Variants in CPAP observed in about 807,000 individuals in gnomAD.
The protein encoded by CPAP is centrosomal P4.1-associated protein.
chr13:24,892,666 C>T, the CPAP span: 2 of 1,614,118 alleles, frequency 1.2e-6, no homozygotes, highest in Non-Finnish European at 1.7e-6. Flanking sequence ...TTCTTCTCCA[C>T]CTCGAGGCTG....
the CPAP span, among the ~76,000 whole-genome samples, chr13:24,909,278 G>T: frequency 6.6e-6 from 1 of 152,210 alleles, no homozygotes; most frequent in African/African-American, 2.4e-5. Flanking sequence ...TGCAATCCCA[G>T]TACTTTGGGA....
the CPAP span, chr13:24,905,558 G>A: frequency 6.2e-7 from 1 of 1,614,020 alleles, no homozygotes. Flanking sequence ...TTCATTATTA[G>A]GGTAGCATGT....
At chr13:24,892,713 C>A in the CPAP span, 1 of 1,614,146 alleles carries the variant, frequency 6.2e-7, no homozygotes, top group Non-Finnish European at 8.5e-7. Context: ...GGCATCCAGT[C>A]GGAATCTTTC....
At chr13:24,889,582 C>T in the CPAP span, among the ~76,000 whole-genome samples, 2 of 90,440 alleles carry the variant, frequency 2.2e-5, no homozygotes, top group African/African-American at 6.8e-5. Context: ...CGCGTGTGCA[C>T]ACACACGCAC....
the CPAP span, among the ~76,000 whole-genome samples, chr13:24,894,610 AG>A: frequency 2.4e-4 from 36 of 152,334 alleles, no homozygotes; most frequent in African/African-American, 7.9e-4. Flanking sequence ...TTTGCTGCAA[AG>A]GAAAAAACAG....
chr13:24,891,146 GTCC>G, the CPAP span, among the ~76,000 whole-genome samples: 1 of 151,828 alleles, frequency 6.6e-6, no homozygotes, highest in African/African-American at 2.4e-5. Flanking sequence ...GCCGATTTCA[GTCC>G]TCCTCTGAGT....
chr13:24,886,955 G>A, the CPAP span, among the ~76,000 whole-genome samples: 1 of 152,150 alleles, frequency 6.6e-6, no homozygotes, highest in South Asian at 2.1e-4. Flanking sequence ...AGAGGTGACC[G>A]TGGGCATAGA....
chr13:24,909,642 G>T, the CPAP span: 2 of 726,798 alleles, frequency 2.8e-6, no homozygotes, highest in Non-Finnish European at 4.6e-6. Flanking sequence ...AAGATTACTT[G>T]TGCCCAGGAG....
the CPAP span, chr13:24,924,871 CT>C: frequency 7.1e-6 from 1 of 141,686 alleles, no homozygotes; most frequent in East Asian, 2.0e-4. Flanking sequence ...AACCAGTCTT[CT>C]CATCTGCAAA....
chr13:24,884,715 T>A, the CPAP span, among the ~76,000 whole-genome samples: 2 of 152,220 alleles, frequency 1.3e-5, no homozygotes, highest in Admixed American at 6.5e-5. Context: ...TAAAGTAGAC[T>A]TTGTACAGGA....
chr13:24,899,566 G>A, the CPAP span: 7 of 1,613,274 alleles, frequency 4.3e-6, no homozygotes, highest in South Asian at 3.3e-5. Context: ...TCTGTTGTTC[G>A]AAGTCTGCAA....
chr13:24,884,259 CA>C, the CPAP span: 2 of 1,614,124 alleles, frequency 1.2e-6, no homozygotes, highest in Non-Finnish European at 1.7e-6. Flanking sequence ...TAAAGACACA[CA>C]GTCAGTCTGC....
the CPAP span, among the ~76,000 whole-genome samples, chr13:24,898,068 G>T: frequency 1.3e-5 from 2 of 152,090 alleles, no homozygotes; most frequent in African/African-American, 4.8e-5. Context: ...TAATTTTTTT[G>T]TATTTTTCGT....
the CPAP span, chr13:24,883,097 A>G: frequency 7.9e-7 from 1 of 1,271,418 alleles, no homozygotes; most frequent in Non-Finnish European, 1.1e-6. Flanking sequence ...TACACAATAA[A>G]TTAAACAGAA....
chr13:24,907,344 A>G, the CPAP span: 1 of 663,068 alleles, frequency 1.5e-6, no homozygotes, highest in Non-Finnish European at 2.7e-6. Flanking sequence ...AAAAGCCACA[A>G]TCCCTCTCCA....
the CPAP span, chr13:24,889,387 C>T: frequency 1.1e-5 from 17 of 1,605,402 alleles, no homozygotes; most frequent in Admixed American, 1.7e-5. Flanking sequence ...GTTTTGAAAT[C>T]GAACAGATGT....
At chr13:24,883,971 T>C in the CPAP span, 1 of 1,614,166 alleles carries the variant, frequency 6.2e-7, no homozygotes, top group Non-Finnish European at 8.5e-7. Context: ...ACCGTTGTAC[T>C]CTGACAATTG....
the CPAP span, among the ~76,000 whole-genome samples, chr13:24,918,703 A>G: frequency 6.6e-6 from 1 of 152,222 alleles, no homozygotes; most frequent in Non-Finnish European, 1.5e-5. Flanking sequence ...TAAAAAACAT[A>G]AACATATGAA....
At chr13:24,883,187 G>A in the CPAP span, 33 of 1,613,586 alleles carry the variant, frequency 2.0e-5, no homozygotes, top group African/African-American at 4.0e-5. Flanking sequence ...TCACAGCTCC[G>A]TGTCCATTAG....
Sources: gnomAD v4.1 joint callset for allele counts (sites outside exome capture counted in the v4.1 genomes callset) on GRCh38, gnomAD v4.1.1 for gene constraint, MANE v1.5 for transcripts, NCBI Gene and HGNC (gene_info 2026-07-23, HGNC 2026-07-21) for gene names.